RNF217: variants seen among roughly 807,000 people sequenced by gnomAD.
The protein encoded by RNF217 is ring finger protein 217.
A neutral mutation model predicts 57.8 loss-of-function variants in RNF217; 31 were observed. The ratio of observed to expected loss-of-function variants is 0.54; its 90% CI spans 0.40 to 0.72. The LOEUF is 0.72. Among genes scored for constraint, RNF217 ranks in the 30% least tolerant of loss-of-function variants. RNF217 has a pLI of 0.00. For synonymous variants in RNF217, 313 were observed against 294.0 expected (o/e 1.06, Z -0.66); for missense variants, 696 against 708.3 (o/e 0.98, Z 0.20).
intron 1 of RNF217, among the ~76,000 whole-genome samples, chr6:125,027,784 G>T (rs528334230): frequency 6.6e-6 from 1 of 152,156 alleles, no homozygotes; most frequent in Admixed American, 6.5e-5. Flanking sequence ...GTGTACAAAG[G>T]TTCCCTTTTC....
intron 1 of RNF217, 136 bp from the exon 2 acceptor site, chr6:125,045,075 T>C: frequency 1.6e-6 from 1 of 623,176 alleles, no homozygotes; most frequent in Non-Finnish European, 2.8e-6. Flanking sequence ...GTGATTAACA[T>C]TCATTATGTT....
intron 1 of RNF217, 88 bp downstream of exon 1, chr6:124,963,514 G>A (rs1783395342): frequency 3.6e-6 from 5 of 1,398,784 alleles, no homozygotes; most frequent in Admixed American, 3.1e-5. Flanking sequence ...CTGCTCGCGC[G>A]AAGAGGTGAC....
chr6:124,998,853 A>G (rs886086253), intron 1 of RNF217, among the ~76,000 whole-genome samples: 3 of 152,194 alleles, frequency 2.0e-5, no homozygotes, highest in African/African-American at 7.2e-5. Flanking sequence ...AAGCACCTGT[A>G]TGGTTGTAAA....
At chr6:124,995,644 G>A (rs565570855) in intron 1 of RNF217, among the ~76,000 whole-genome samples, 132 of 152,162 alleles carry the variant, frequency 8.7e-4, no homozygotes, top group Admixed American at 2.0e-3. Flanking sequence ...TTTGGAGGGC[G>A]GGTGCTGTGG....
At chr6:125,045,116 C>T (rs369597224) in intron 1 of RNF217, 95 bp from the exon 2 acceptor site, 22 of 720,982 alleles carry the variant, frequency 3.1e-5, no homozygotes, top group African/African-American at 1.6e-4. Flanking sequence ...TCCTTTATTG[C>T]GGTCATGAAA....
chr6:125,071,017 A>T (rs1046191699), intron 3 of RNF217, among the ~76,000 whole-genome samples: 8 of 152,142 alleles, frequency 5.3e-5, no homozygotes, highest in African/African-American at 1.9e-4. Context: ...TTATTCTTCT[A>T]CCTTATGATT....
intron 1 of RNF217, among the ~76,000 whole-genome samples, chr6:124,981,531 GA>G (rs1183229670): frequency 6.6e-6 from 1 of 152,144 alleles, no homozygotes; most frequent in East Asian, 1.9e-4. Flanking sequence ...TTGAGTCCTT[GA>G]TCAGCCATTC....
chr6:125,066,305 A>G (rs1787934630), intron 3 of RNF217, among the ~76,000 whole-genome samples: 2 of 152,270 alleles, frequency 1.3e-5, no homozygotes, highest in South Asian at 2.1e-4. Flanking sequence ...TGTGGTTCCT[A>G]TCTGACACAG....
intron 3 of RNF217, among the ~76,000 whole-genome samples, chr6:125,064,822 A>ATG (rs1315364499): frequency 6.6e-6 from 1 of 152,016 alleles, no homozygotes; most frequent in Admixed American, 6.6e-5. Context: ...ATACATATTT[A>ATG]TGTGTGTGTA....
intron 1 of RNF217, among the ~76,000 whole-genome samples, chr6:124,978,229 C>T (rs7767078): frequency 0.042 from 6,390 of 152,076 alleles, 486 homozygotes; most frequent in African/African-American, 0.15. Flanking sequence ...TTCTGTGCTG[C>T]TTCACCAGTC....
intron 3 of RNF217, among the ~76,000 whole-genome samples, chr6:125,065,057 C>T (rs113592444): frequency 0.012 from 1,780 of 151,778 alleles, 35 homozygotes; most frequent in African/African-American, 0.036. Flanking sequence ...GGGCGGATCA[C>T]GAGGTCAGGA....
At chr6:125,076,541 T>A in intron 3 of RNF217, 116 bp from the exon 4 acceptor site, 1 of 666,422 alleles carries the variant, frequency 1.5e-6, no homozygotes, top group Non-Finnish European at 2.7e-6. Flanking sequence ...TCAGGAGTGC[T>A]GTGAGAGACT....
Position 125,087,656 on chromosome 6 carries a change from G to C in RNF217, c.*4719G>C, listed in dbSNP as rs1788810225. On this transcript the variant is annotated 3_prime_UTR_variant, in exon 6 of 6. Coordinates refer to ENST00000521654, the MANE Select transcript of RNF217 (RefSeq NM_001286398.3). Reference sequence around the variant, plus strand: ...ATATGTGTCATCTCTTTAAATTTGGGAGGAATCAGAAGCTAAAGATTTAAA... The same window carrying C: ...ATATGTGTCATCTCTTTAAATTTGGCAGGAATCAGAAGCTAAAGATTTAAA... 1 of 152,060 alleles carries C rather than the reference G, an allele frequency of 6.6e-6. No individual in the cohort carries two copies. Among genetic ancestry groups the C allele is most frequent in the Non-Finnish European group, 1.5e-5 (1 of 67,986 alleles). 9.4% of individuals were successfully genotyped at this position (152,060 alleles called of 1,614,324 possible).
chr6:124,980,768 C>T (rs893594573), intron 1 of RNF217, among the ~76,000 whole-genome samples: 1 of 152,140 alleles, frequency 6.6e-6, no homozygotes, highest in Non-Finnish European at 1.5e-5. Flanking sequence ...TGAGTTGCCC[C>T]TCCCTCCATA....
rs1787260844 is a variant in RNF217 at position 125,050,314 on chromosome 6, C to T, written c.1116+4870C>T. Reference sequence around the variant, plus strand: ...TCAGACAAGACTAATAATCCCCATTCTTCTTCCCACAAATGTTAAGCAGAA... The same window carrying T: ...TCAGACAAGACTAATAATCCCCATTTTTCTTCCCACAAATGTTAAGCAGAA... On this transcript the variant is annotated intron_variant, in intron 2 of 5. Coordinates refer to ENST00000521654, the MANE Select transcript of RNF217 (RefSeq NM_001286398.3). Among the ~76,000 whole-genome samples the T allele has an allele frequency of 2.0e-5, 3 of 151,920 alleles. No homozygotes were observed. In the South Asian group the frequency reaches 6.2e-4, roughly 32 times the overall value.
chr6:125,031,404 A>G (rs1562477252), intron 1 of RNF217, among the ~76,000 whole-genome samples: 1 of 152,192 alleles, frequency 6.6e-6, no homozygotes, highest in Non-Finnish European at 1.5e-5. Context: ...AAATTTTCCA[A>G]ACATTTACGC....
At position 125,081,523 on chromosome 6, in the gene RNF217, T is replaced by C; in HGVS notation, c.1555+16T>C. On this transcript the variant is annotated intron_variant, in intron 5 of 5. Coordinates refer to ENST00000521654, the MANE Select transcript of RNF217 (RefSeq NM_001286398.3). The stretch of plus-strand genomic sequence containing the variant: ...GTTGTAATCGGTAAGAAACACTTCA[T>C]GCATCTGAGATTAGAATTATCTGAG... 6.3e-7 allele frequency: 1 copy of C among 1,592,982 alleles called. No individual in the cohort carries two copies. The highest frequency in any genetic ancestry group is 8.6e-7 in the Non-Finnish European group (1 of 1,162,292).
intron 1 of RNF217, among the ~76,000 whole-genome samples, chr6:124,978,961 A>G (rs1415957289): frequency 6.6e-6 from 1 of 152,112 alleles, no homozygotes; most frequent in African/African-American, 2.4e-5. Context: ...GAATGGGGGA[A>G]TGCAAGCTGA....
Position 125,083,025 on chromosome 6 carries a change from A to G in RNF217, c.*88A>G. ...ATCTGTGAGTCACATCTTGAAAAAC[A>G]CTGAGAGGAACCTTCTACCATCTCA... On this transcript the variant is annotated 3_prime_UTR_variant, in exon 6 of 6. Transcript: ENST00000521654. The G allele has an allele frequency of 1.2e-6, 1 of 829,852 alleles. No individual in the cohort carries two copies. Among genetic ancestry groups the G allele is most frequent in the Non-Finnish European group, 1.8e-6 (1 of 546,340 alleles). 51.4% of individuals were successfully genotyped at this position (829,852 alleles called of 1,614,324 possible).
Sources: gnomAD v4.1 joint callset for allele counts (sites outside exome capture counted in the v4.1 genomes callset) on GRCh38, gnomAD v4.1.1 for gene constraint, MANE v1.5 for transcripts, NCBI Gene and HGNC (gene_info 2026-07-23, HGNC 2026-07-21) for gene names.